SPIDR: variants seen among roughly 807,000 people sequenced by gnomAD.
SPIDR encodes the protein scaffold protein involved in DNA repair, also known as DNA repair-scaffolding protein.
Under a neutral mutation model 104.6 loss-of-function variants are expected in SPIDR, and 93 were observed. The ratio of observed to expected loss-of-function variants is 0.89; its 90% CI spans 0.75 to 1.06. The LOEUF is 1.06. Among genes scored for constraint, SPIDR ranks in the 50% least tolerant of loss-of-function variants. The pLI, the probability that SPIDR is intolerant of heterozygous loss-of-function variation, is 0.00. For synonymous variants in SPIDR, 431 were observed against 416.9 expected (o/e 1.03, Z -0.41); for missense variants, 1,154 against 1,111.2 (o/e 1.04, Z -0.55).
At chr8:47,480,594 A>G (rs537865574) in intron 8 of SPIDR, among the ~76,000 whole-genome samples, 18 of 152,350 alleles carry the variant, frequency 1.2e-4, no homozygotes, top group African/African-American at 4.1e-4. Context: ...AGCTTCGTTC[A>G]TATAAACTGA....
At chr8:47,453,971 A>G (rs2072425048) in intron 8 of SPIDR, among the ~76,000 whole-genome samples, 1 of 151,744 alleles carries the variant, frequency 6.6e-6, no homozygotes, top group Admixed American at 6.5e-5. Context: ...TTAAAAAGTC[A>G]GGAAACAACA....
At chr8:47,539,853 CCT>C in intron 8 of SPIDR, among the ~76,000 whole-genome samples, 1 of 152,106 alleles carries the variant, frequency 6.6e-6, no homozygotes, top group Middle Eastern at 3.4e-3. Flanking sequence ...CAGCTGGGTT[CCT>C]CTCTCTCCAT....
intron 10 of SPIDR, among the ~76,000 whole-genome samples, chr8:47,638,307 AATTT>A (rs1290736545): frequency 6.6e-6 from 1 of 152,068 alleles, no homozygotes. Context: ...ATACAAGTGC[AATTT>A]ATTTATTTAT....
At chr8:47,681,828 A>G (rs1438986596) in intron 11 of SPIDR, among the ~76,000 whole-genome samples, 2 of 152,208 alleles carry the variant, frequency 1.3e-5, no homozygotes, top group Non-Finnish European at 2.9e-5. Flanking sequence ...GAAAAGTTGA[A>G]TCTTTAATTT....
At chr8:47,578,244 G>A (rs151218241) in intron 8 of SPIDR, among the ~76,000 whole-genome samples, 3,484 of 152,156 alleles carry the variant, frequency 0.023, 135 homozygotes, top group African/African-American at 0.078. Context: ...AGGCCGAGGC[G>A]GGCAGATCAC....
At chr8:47,261,623 A>G (rs903882172) in intron 1 of SPIDR, among the ~76,000 whole-genome samples, 4 of 152,298 alleles carry the variant, frequency 2.6e-5, no homozygotes, top group Non-Finnish European at 1.5e-5. Flanking sequence ...CCTTGCTTTC[A>G]AATACGTTTG....
At chr8:47,367,349 C>T (rs1243939623) in intron 5 of SPIDR, among the ~76,000 whole-genome samples, 1 of 152,144 alleles carries the variant, frequency 6.6e-6, no homozygotes. Flanking sequence ...GGATTTTTCT[C>T]CAGAGCTCCC....
At chr8:47,655,398 C>G (rs1164157809) in intron 10 of SPIDR, among the ~76,000 whole-genome samples, 1 of 152,170 alleles carries the variant, frequency 6.6e-6, no homozygotes, top group Non-Finnish European at 1.5e-5. Context: ...TGTTTCCTGA[C>G]TTTTTAATGA....
chr8:47,417,024 G>T (rs375769415), intron 7 of SPIDR, among the ~76,000 whole-genome samples: 1 of 152,086 alleles, frequency 6.6e-6, no homozygotes, highest in Admixed American at 6.5e-5. Context: ...TCCAGTCTAT[G>T]ATTTTTGGAC....
At chr8:47,415,049 A>G (rs201953034) in intron 7 of SPIDR, among the ~76,000 whole-genome samples, 1 of 151,830 alleles carries the variant, frequency 6.6e-6, no homozygotes, top group African/African-American at 2.4e-5. Flanking sequence ...GACTACAGGC[A>G]CCCGCCACCA....
At chr8:47,649,160 T>TG (rs2071128272) in intron 10 of SPIDR, among the ~76,000 whole-genome samples, 1 of 152,018 alleles carries the variant, frequency 6.6e-6, no homozygotes, top group South Asian at 2.1e-4. Context: ...AGAGGATCAC[T>TG]GGAGCCCAGG....
intron 7 of SPIDR, among the ~76,000 whole-genome samples, chr8:47,431,314 C>T (rs1321602355): frequency 2.6e-5 from 4 of 152,180 alleles, no homozygotes; most frequent in Admixed American, 2.6e-4. Context: ...CAAATACAAC[C>T]AGACTGAAGG....
intron 8 of SPIDR, among the ~76,000 whole-genome samples, chr8:47,478,843 T>C (rs1335286489): frequency 1.3e-5 from 2 of 152,172 alleles, no homozygotes; most frequent in African/African-American, 2.4e-5. Flanking sequence ...CTGTTGAATG[T>C]AGGGAAATAT....
chr8:47,463,473 C>CA (rs1309110863), intron 8 of SPIDR, among the ~76,000 whole-genome samples: 1 of 152,016 alleles, frequency 6.6e-6, no homozygotes, highest in African/African-American at 2.4e-5. Context: ...CAGTTGTTCT[C>CA]AAATTCCTCC....
intron 10 of SPIDR, among the ~76,000 whole-genome samples, chr8:47,660,280 GA>G (rs540220851): frequency 0.012 from 1,766 of 151,384 alleles, 20 homozygotes; most frequent in Non-Finnish European, 0.019. Flanking sequence ...GTAAGAAAAG[GA>G]AAAAAAAATT....
intron 4 of SPIDR, among the ~76,000 whole-genome samples, chr8:47,293,417 A>G (rs2040290748): frequency 6.6e-6 from 1 of 152,146 alleles, no homozygotes; most frequent in African/African-American, 2.4e-5. Flanking sequence ...AGAAACAGTG[A>G]TTTGAGATAA....
At chr8:47,437,007 T>C (rs1554692492) in intron 7 of SPIDR, among the ~76,000 whole-genome samples, 1 of 152,176 alleles carries the variant, frequency 6.6e-6, no homozygotes, top group Non-Finnish European at 1.5e-5. Context: ...ATAGCCAACA[T>C]CATAAAATGT....
At chr8:47,576,634 A>C (rs544367697) in intron 8 of SPIDR, among the ~76,000 whole-genome samples, 1 of 151,430 alleles carries the variant, frequency 6.6e-6, no homozygotes, top group African/African-American at 2.4e-5. Context: ...GGATTTCACC[A>C]TGTTGACCAG....
At chr8:47,407,835 T>G in intron 6 of SPIDR, 26 bp from the exon 7 acceptor site, 1 of 1,440,924 alleles carries the variant, frequency 6.9e-7, no homozygotes, top group Non-Finnish European at 9.7e-7. Flanking sequence ...TTAACTAAAC[T>G]TAATACATTA....
Sources: gnomAD v4.1 joint callset for allele counts (sites outside exome capture counted in the v4.1 genomes callset) on GRCh38, gnomAD v4.1.1 for gene constraint, MANE v1.5 for transcripts, NCBI Gene and HGNC (gene_info 2026-07-23, HGNC 2026-07-21) for gene names.